The following PCDH7 variants were observed in gnomAD, a reference collection of about 807,000 sequenced individuals.
The protein encoded by PCDH7 is protocadherin-7.
A neutral mutation model predicts 58.9 loss-of-function variants in PCDH7; 17 were observed. The observed-to-expected ratio is 0.29, with a 90% CI of 0.20 to 0.43. The LOEUF (loss-of-function observed/expected upper bound fraction) is 0.43. Ranked by LOEUF, PCDH7 falls within the 20% of genes least tolerant of loss-of-function variation. The probability of loss-of-function intolerance (pLI) is 1.00; values close to 1 mark genes in which losing one functional copy is unlikely to be tolerated. For missense variants in PCDH7, 1,274 were observed against 1,441.0 expected (o/e 0.88, Z 1.88); for synonymous variants, 664 against 616.4 (o/e 1.08, Z -1.14).
At position 30,867,532 on chromosome 4, in the gene PCDH7, T is replaced by G. The variant is rs1312431232; in HGVS notation, c.71-52621T>G. On this transcript the variant is annotated intron_variant, in intron 1 of 3. Coordinates refer to the PCDH7 transcript ENST00000509759. The stretch of plus-strand genomic sequence containing the variant: ...TTTGCATTCCTAACCATCATTTTTT[T>G]CTCCTGGATCTCATCACCTAAGCTG... Among the ~76,000 whole-genome samples the G allele has an allele frequency of 3.3e-5, 5 of 152,150 alleles. No individual in the cohort carries two copies. The East Asian group carries it at 9.7e-4, about 30-fold the overall frequency.
chr4:30,906,096 T>C (rs2109399742), intron 1 of PCDH7, among the ~76,000 whole-genome samples: 1 of 152,288 alleles, frequency 6.6e-6, no homozygotes, highest in Middle Eastern at 3.4e-3. Flanking sequence ...AGATGTTTGA[T>C]TAGTATGCAT....
intron 1 of PCDH7, among the ~76,000 whole-genome samples, chr4:30,905,553 T>G (rs1740810703): frequency 6.6e-6 from 1 of 152,182 alleles, no homozygotes; most frequent in African/African-American, 2.4e-5. Flanking sequence ...TTTGCCCAAC[T>G]GGGTTTAATG....
chr4:30,802,918 G>A (rs1725712937), intron 1 of PCDH7, among the ~76,000 whole-genome samples: 1 of 152,138 alleles, frequency 6.6e-6, no homozygotes, highest in Admixed American at 6.6e-5. Flanking sequence ...GGAGGAGGAG[G>A]AGAGCAAACA....
chr4:30,737,971 G>T (rs1396405312), downstream of PCDH7, among the ~76,000 whole-genome samples: 1 of 152,138 alleles, frequency 6.6e-6, no homozygotes, highest in East Asian at 1.9e-4. Flanking sequence ...GGCAAATTCA[G>T]TTTCTGATGA....
chr4:31,031,331 G>A (rs1754901956), intron 3 of PCDH7, among the ~76,000 whole-genome samples: 2 of 152,148 alleles, frequency 1.3e-5, no homozygotes, highest in Non-Finnish European at 2.9e-5. Context: ...TAGACATCCT[G>A]CCATCCACAG....
At chr4:31,031,638 T>A (rs183685818) in intron 3 of PCDH7, among the ~76,000 whole-genome samples, 1 of 149,952 alleles carries the variant, frequency 6.7e-6, no homozygotes, top group Admixed American at 6.6e-5. Context: ...CTGGATGTAA[T>A]GCAAATTAAA....
chr4:30,879,639 A>G (rs1407066946), intron 1 of PCDH7, among the ~76,000 whole-genome samples: 1 of 152,164 alleles, frequency 6.6e-6, no homozygotes, highest in East Asian at 1.9e-4. Flanking sequence ...TGACCACTGA[A>G]CAATAAAGCA....
At chr4:31,099,457 T>C (rs1714609522) in intron 3 of PCDH7, among the ~76,000 whole-genome samples, 1 of 152,202 alleles carries the variant, frequency 6.6e-6, no homozygotes, top group African/African-American at 2.4e-5. Flanking sequence ...ACTTATTAAA[T>C]ACTGCATGCA....
chr4:31,079,309 GATATAT>G (rs149501069), intron 3 of PCDH7, among the ~76,000 whole-genome samples: 1,154 of 67,092 alleles, frequency 0.017, 17 homozygotes, highest in Middle Eastern at 0.039. Context: ...AATACTGGAA[GATATAT>G]ATATATATAT....
chr4:30,846,601 A>T (rs1292658071), intron 1 of PCDH7, among the ~76,000 whole-genome samples: 1 of 152,068 alleles, frequency 6.6e-6, no homozygotes, highest in Admixed American at 6.6e-5. Flanking sequence ...AAAGTGTTTA[A>T]CAGCATCCTT....
chr4:30,753,549 C>A (rs987621224), intron 1 of PCDH7, among the ~76,000 whole-genome samples: 2 of 152,174 alleles, frequency 1.3e-5, no homozygotes, highest in Non-Finnish European at 2.9e-5. Flanking sequence ...TATAAGGTAG[C>A]ATTTCAGGGG....
intron 3 of PCDH7, among the ~76,000 whole-genome samples, chr4:31,121,843 G>A (rs936343039): frequency 1.3e-5 from 2 of 152,114 alleles, no homozygotes; most frequent in African/African-American, 2.4e-5. Context: ...AAAAAAATAT[G>A]TGGGTCTCTT....
intron 3 of PCDH7, among the ~76,000 whole-genome samples, chr4:31,062,725 A>C (rs537362899): frequency 2.4e-4 from 36 of 151,978 alleles, no homozygotes; most frequent in Non-Finnish European, 4.7e-4. Flanking sequence ...CCACAGGGCC[A>C]TACAAAATGT....
chr4:31,079,380 A>G (rs1373758333), intron 3 of PCDH7, among the ~76,000 whole-genome samples: 7 of 136,162 alleles, frequency 5.1e-5, no homozygotes, highest in Non-Finnish European at 4.7e-5. Flanking sequence ...CATTTTCAAA[A>G]TAGACAGAAT....
At position 30,837,320 on chromosome 4, in the gene PCDH7, T is replaced by C. The variant is rs1577994256; in HGVS notation, c.71-82833T>C. Reference sequence around the variant, plus strand: ...CCTGCATGGACTGTCTGATTTGACATTGGACACTACTAAGAGGAGACAAGC... The same window carrying C: ...CCTGCATGGACTGTCTGATTTGACACTGGACACTACTAAGAGGAGACAAGC... On this transcript the variant is annotated intron_variant, in intron 1 of 3. Coordinates refer to the PCDH7 transcript ENST00000509759. Among the ~76,000 whole-genome samples, 8 of 152,182 alleles carry C rather than the reference T, an allele frequency of 5.3e-5. 1 individual carries two copies. Among genetic ancestry groups the C allele is most frequent in the Admixed American group, 4.6e-4 (7 of 15,278 alleles).
At chr4:30,931,728 A>C (rs56703072) in intron 2 of PCDH7, among the ~76,000 whole-genome samples, 2,138 of 151,898 alleles carry the variant, frequency 0.014, 43 homozygotes, top group African/African-American at 0.049. Flanking sequence ...CACCAAGTCC[A>C]TTGTAACATC....
At position 30,810,187 on chromosome 4, in the gene PCDH7, A is replaced by G. The variant is rs535605082; in HGVS notation, c.70+85591A>G. Among the ~76,000 whole-genome samples, 3 of 152,300 alleles carry G rather than the reference A, an allele frequency of 2.0e-5. No homozygotes were observed. In the East Asian group the frequency reaches 5.8e-4, roughly 29 times the overall value. On this transcript the variant is annotated intron_variant, in intron 1 of 3. Coordinates refer to the PCDH7 transcript ENST00000509759. ...TTAGCACAGATGTTCACTTCTCATA[A>G]TAATTATCAGAGTATAATATAATAG...
intron 3 of PCDH7, among the ~76,000 whole-genome samples, chr4:31,105,913 A>G (rs1715499209): frequency 6.6e-6 from 1 of 151,868 alleles, no homozygotes; most frequent in African/African-American, 2.4e-5. Context: ...ACGCTGAGGC[A>G]GGAGAATGGC....
At position 31,142,884 on chromosome 4, in the gene PCDH7, T is replaced by C. The variant is rs1423285805; in HGVS notation, c.*419T>C. 3.0e-6 allele frequency: 4 copies of C among 1,317,856 alleles called. No homozygotes were observed. In the South Asian group the frequency reaches 4.9e-5, roughly 16 times the overall value. 81.6% of individuals were successfully genotyped at this position (1,317,856 alleles called of 1,614,324 possible). A position where few individuals can be genotyped will look rare whatever the true frequency, so the allele number is the denominator to read the frequency against. ...GAGCAACAGCAAAGTTCTTTACATG[T>C]ATGAAAAGGAGAATAAGGGGCAAAA... On this transcript the variant is annotated 3_prime_UTR_variant, in exon 4 of 4. Coordinates refer to the PCDH7 transcript ENST00000509759.
Sources: allele counts gnomAD v4.1 joint callset (sites outside exome capture counted in the v4.1 genomes callset), GRCh38; gene constraint gnomAD v4.1.1; transcripts MANE v1.5; gene names NCBI Gene and HGNC (gene_info 2026-07-23, HGNC 2026-07-21).